KCNQ5: variants seen among roughly 807,000 people sequenced by gnomAD.
The protein encoded by KCNQ5 is potassium voltage-gated channel subfamily Q member 5, also known as potassium voltage-gated channel subfamily KQT member 5.
Under a neutral mutation model 98.2 loss-of-function variants are expected in KCNQ5, and 30 were observed. That is an observed-to-expected ratio of 0.31 (90% CI 0.23 to 0.41). KCNQ5 has a LOEUF of 0.41. Ranked by LOEUF, KCNQ5 falls within the 10% of genes least tolerant of loss-of-function variation. The pLI, the probability that KCNQ5 is intolerant of heterozygous loss-of-function variation, is 1.00. For synonymous variants in KCNQ5, 458 were observed against 449.4 expected, an observed-to-expected ratio of 1.02 and a Z score of -0.24; for missense variants, 835 against 1,182.5, an observed-to-expected ratio of 0.71 and a Z score of 4.31.
At chr6:73,171,266 G>A (rs1182506043) in intron 11 of KCNQ5, among the ~76,000 whole-genome samples, 1 of 152,176 alleles carries the variant, frequency 6.6e-6, no homozygotes, top group Non-Finnish European at 1.5e-5. Flanking sequence ...AACCCTATGG[G>A]TGGAGAGATT....
chr6:72,681,673 C>T (rs914370484), intron 1 of KCNQ5, among the ~76,000 whole-genome samples: 8 of 152,134 alleles, frequency 5.3e-5, no homozygotes, highest in African/African-American at 1.2e-4. Context: ...GCTTTTGTTC[C>T]GGATCTTGCG....
At chr6:73,051,705 C>CAAAAAAAAAAAAAAAAA (rs201199934) in intron 3 of KCNQ5, among the ~76,000 whole-genome samples, 4 of 97,174 alleles carry the variant, frequency 4.1e-5, no homozygotes, top group African/African-American at 1.7e-4. Flanking sequence ...AAGATAGAGG[C>CAAAAAAAAAAAAAAAAA]AAAAAAAAAA....
intron 10 of KCNQ5, among the ~76,000 whole-genome samples, chr6:73,144,148 A>G (rs1232585187): frequency 6.6e-6 from 1 of 152,228 alleles, no homozygotes; most frequent in African/African-American, 2.4e-5. Flanking sequence ...TTTTTCTGCA[A>G]TGGATGACTG....
At chr6:72,854,429 T>C (rs1238564807) in intron 1 of KCNQ5, among the ~76,000 whole-genome samples, 2 of 119,048 alleles carry the variant, frequency 1.7e-5, no homozygotes, top group Admixed American at 1.6e-4. Flanking sequence ...GTAGCTTTAT[T>C]AGAAAAAAAA....
rs1351199714 is a variant in KCNQ5, at chr6:73,153,151, C to A, written c.1469-16595C>A. Among the ~76,000 whole-genome samples, 8 of 151,998 alleles carry A rather than the reference C, an allele frequency of 5.3e-5. No homozygotes were observed. In the South Asian group the frequency reaches 1.5e-3, roughly 28 times the overall value. On this transcript the variant is annotated intron_variant, in intron 10 of 13. Transcript: ENST00000370398. ...TACCTAACGTTGCCAATTCCTGAGCCTTTTGAGTTTTCCAAAGTGTAAATC... is the reference window on the plus strand; with the variant it reads ...TACCTAACGTTGCCAATTCCTGAGCATTTTGAGTTTTCCAAAGTGTAAATC...
chr6:72,773,047 T>C (rs1772978993), intron 1 of KCNQ5, among the ~76,000 whole-genome samples: 1 of 152,184 alleles, frequency 6.6e-6, no homozygotes. Context: ...TAAAACGCTA[T>C]ATTGAATATA....
intron 1 of KCNQ5, among the ~76,000 whole-genome samples, chr6:72,673,543 GA>G (rs1767247456): frequency 6.6e-6 from 1 of 152,160 alleles, no homozygotes; most frequent in African/African-American, 2.4e-5. Context: ...ACTAGGAAGA[GA>G]GGGGCAAAGG....
chr6:72,996,051 C>G (rs1562117517), intron 1 of KCNQ5, among the ~76,000 whole-genome samples: 1 of 152,206 alleles, frequency 6.6e-6, no homozygotes, highest in Non-Finnish European at 1.5e-5. Context: ...AGTTTGTCTT[C>G]CCATTTAACT....
intron 1 of KCNQ5, among the ~76,000 whole-genome samples, chr6:72,739,772 G>C (rs1262622725): frequency 1.3e-5 from 2 of 152,158 alleles, no homozygotes; most frequent in African/African-American, 4.8e-5. Flanking sequence ...CTATTCGATA[G>C]TCCCAGGACC....
chr6:73,191,818 G>A (rs1765601295), intron 12 of KCNQ5, among the ~76,000 whole-genome samples: 2 of 152,104 alleles, frequency 1.3e-5, no homozygotes, highest in Admixed American at 6.5e-5. Flanking sequence ...TACTGCCTAT[G>A]TTTCTCTTCA....
chr6:73,152,637 A>T (rs1156835227), intron 10 of KCNQ5, among the ~76,000 whole-genome samples: 1 of 152,160 alleles, frequency 6.6e-6, no homozygotes, highest in Non-Finnish European at 1.5e-5. Context: ...ATTTCCTTAG[A>T]TACATAGTAA....
At chr6:73,108,709 C>T (rs1775104985) in intron 6 of KCNQ5, among the ~76,000 whole-genome samples, 1 of 152,062 alleles carries the variant, frequency 6.6e-6, no homozygotes, top group South Asian at 2.1e-4. Context: ...CACCTGTAAT[C>T]CCAGCTACTC....
intron 9 of KCNQ5, among the ~76,000 whole-genome samples, chr6:73,130,560 C>A (rs769954235): frequency 2.0e-5 from 3 of 152,080 alleles, no homozygotes; most frequent in Non-Finnish European, 4.4e-5. Flanking sequence ...AATACTGTTA[C>A]ATAAATCTTC....
intron 3 of KCNQ5, chr6:73,055,583 T>C (rs1772447701): frequency 7.3e-6 from 10 of 1,369,402 alleles, no homozygotes; most frequent in Admixed American, 6.7e-5. Context: ...AGCTCTGCCC[T>C]TCTGGAATGA....
At chr6:73,174,555 T>G (rs577248660) in intron 11 of KCNQ5, among the ~76,000 whole-genome samples, 249 of 152,298 alleles carry the variant, frequency 1.6e-3, no homozygotes, top group African/African-American at 5.8e-3. Flanking sequence ...ATGAATAAGG[T>G]CCAGGGTGAA....
At chr6:72,820,690 A>G (rs912253002) in intron 1 of KCNQ5, among the ~76,000 whole-genome samples, 1 of 152,034 alleles carries the variant, frequency 6.6e-6, no homozygotes, top group African/African-American at 2.4e-5. Flanking sequence ...CCTTGGCATC[A>G]CATCAAAGAC....
intron 5 of KCNQ5, among the ~76,000 whole-genome samples, chr6:73,103,738 A>G (rs1178329496): frequency 9.5e-6 from 1 of 105,742 alleles, no homozygotes; most frequent in African/African-American, 3.6e-5. Context: ...AGGGAAGCGG[A>G]GATGGTTAAT....
chr6:72,641,834 T>G (rs903151343), intron 1 of KCNQ5, among the ~76,000 whole-genome samples: 1 of 152,070 alleles, frequency 6.6e-6, no homozygotes, highest in Non-Finnish European at 1.5e-5. Flanking sequence ...GTGTACTGTG[T>G]GTGCTTCTTC....
intron 1 of KCNQ5, among the ~76,000 whole-genome samples, chr6:72,759,874 AT>A (rs1157726948): frequency 6.6e-6 from 1 of 152,126 alleles, no homozygotes; most frequent in Non-Finnish European, 1.5e-5. Flanking sequence ...ACACACACAC[AT>A]TCACACACAC....
Sources: allele counts gnomAD v4.1 joint callset (sites outside exome capture counted in the v4.1 genomes callset), GRCh38; gene constraint gnomAD v4.1.1; transcripts MANE v1.5; gene names NCBI Gene and HGNC (gene_info 2026-07-23, HGNC 2026-07-21).